The following CSMD3 variants were observed in gnomAD, a reference collection of about 807,000 sequenced individuals.
CSMD3 encodes the protein CUB and Sushi multiple domains 3, also known as CUB and sushi domain-containing protein 3.
CSMD3 carries 177 observed loss-of-function variants against 435.2 expected under a neutral mutation model. That is an observed-to-expected ratio of 0.41 (90% CI 0.36 to 0.46). The LOEUF (loss-of-function observed/expected upper bound fraction) is 0.46. Among genes scored for constraint, CSMD3 ranks in the 20% least tolerant of loss-of-function variants. The pLI, the probability that CSMD3 is intolerant of heterozygous loss-of-function variation, is 0.34. For synonymous variants in CSMD3, 1,656 were observed against 1,520.5 expected (o/e 1.09, Z -2.07); for missense variants, 4,265 against 4,504.6 (o/e 0.95, Z 1.52).
intron 45 of CSMD3, among the ~76,000 whole-genome samples, chr8:112,333,665 C>G (rs1492671): frequency 8.8e-6 from 1 of 114,032 alleles, no homozygotes; most frequent in Non-Finnish European, 2.1e-5. Context: ...CAAATTCTGT[C>G]TCATACACAC....
chr8:112,861,026 A>G (rs1375673196), intron 10 of CSMD3, among the ~76,000 whole-genome samples: 1 of 151,896 alleles, frequency 6.6e-6, no homozygotes, highest in South Asian at 2.1e-4. Flanking sequence ...GCTTTGAGGA[A>G]GCACTTTCAA....
chr8:112,239,598 T>C (rs1179731403), intron 66 of CSMD3, among the ~76,000 whole-genome samples: 1 of 152,080 alleles, frequency 6.6e-6, no homozygotes, highest in African/African-American at 2.4e-5. Context: ...TTTTAACCAG[T>C]TCTTTATTTG....
At chr8:112,755,786 T>C (rs1459673502) in intron 13 of CSMD3, among the ~76,000 whole-genome samples, 1 of 149,166 alleles carries the variant, frequency 6.7e-6, no homozygotes, top group Admixed American at 6.7e-5. Context: ...TAAATTAATA[T>C]ATACTTTGCA....
intron 10 of CSMD3, among the ~76,000 whole-genome samples, chr8:112,868,014 ATTATT>A (rs1403546010): frequency 6.6e-6 from 1 of 152,044 alleles, no homozygotes; most frequent in Non-Finnish European, 1.5e-5. Flanking sequence ...GCCATACATC[ATTATT>A]TTATTTCTTC....
chr8:112,998,823 T>C (rs908312835), intron 6 of CSMD3, among the ~76,000 whole-genome samples: 1 of 151,876 alleles, frequency 6.6e-6, no homozygotes, highest in African/African-American at 2.4e-5. Context: ...GATCTGGTTG[T>C]TTAAAAGTGT....
intron 19 of CSMD3, among the ~76,000 whole-genome samples, chr8:112,647,831 G>A: frequency 6.6e-6 from 1 of 152,022 alleles, no homozygotes; most frequent in East Asian, 1.9e-4. Flanking sequence ...AGTTGCATTT[G>A]TTTTATATTG....
chr8:112,241,783 C>G lies in CSMD3; in HGVS notation c.10405G>C (p.Gly3469Arg), dbSNP rs773021761. The change falls in exon 66 of 71, where the codon GGT (glycine) becomes CGT (arginine). Residue 3469 changes from glycine (G) to arginine (R), a missense_variant and splice_region_variant. Physicochemically the swap from Gly to Arg is moderately radical, Grantham distance 125. This residue lies in a region of CSMD3 where 3,255 missense variants were observed against 3,380.2 expected (regional missense o/e 0.96). Transcript: ENST00000297405. ...GGATCTTTCACCAATATTTTAGAAC[C>G]AGCTATGAAAAGAAATAAAGGTGTT... ...WTGKVPICEAGSKILVKDPRP... is the reference protein window; with the variant it reads ...WTGKVPICEARSKILVKDPRP... 2 of 1,610,210 alleles carry G rather than the reference C, an allele frequency of 1.2e-6. No homozygotes were observed. The highest frequency in any genetic ancestry group is 1.1e-5 in the South Asian group (1 of 91,014).
At chr8:113,254,216 T>A (rs771480971) in intron 3 of CSMD3, among the ~76,000 whole-genome samples, 25 of 152,216 alleles carry the variant, frequency 1.6e-4, no homozygotes, top group Non-Finnish European at 3.2e-4. Context: ...AAGAGAGTCC[T>A]TGGTAAGGTT....
At chr8:112,869,771 C>A (rs2081079376) in intron 10 of CSMD3, among the ~76,000 whole-genome samples, 1 of 152,152 alleles carries the variant, frequency 6.6e-6, no homozygotes, top group African/African-American at 2.4e-5. Flanking sequence ...TCTCAGCAAA[C>A]TAACACAGAA....
intron 32 of CSMD3, among the ~76,000 whole-genome samples, chr8:112,450,976 T>A (rs1490010640): frequency 1.3e-5 from 2 of 152,190 alleles, no homozygotes; most frequent in Admixed American, 6.5e-5. Context: ...CAATGATATT[T>A]GCAAAAGGGA....
chr8:113,327,933 T>A (rs191434916), intron 1 of CSMD3, among the ~76,000 whole-genome samples: 64 of 152,256 alleles, frequency 4.2e-4, no homozygotes, highest in Non-Finnish European at 7.6e-4. Context: ...GTTATGTGCA[T>A]GTACAGGCCT....
intron 27 of CSMD3, among the ~76,000 whole-genome samples, chr8:112,548,268 TCTC>T (rs1827365006): frequency 1.3e-5 from 2 of 152,158 alleles, no homozygotes; most frequent in African/African-American, 4.8e-5. Context: ...TCATATTTCA[TCTC>T]CTTTTTTAGA....
At chr8:113,151,443 T>C (rs891630378) in intron 4 of CSMD3, among the ~76,000 whole-genome samples, 8 of 151,914 alleles carry the variant, frequency 5.3e-5, no homozygotes, top group African/African-American at 1.9e-4. Context: ...CACAGCACTG[T>C]ATTAAATAAT....
intron 64 of CSMD3, 126 bp downstream of exon 64, chr8:112,246,894 A>G: frequency 1.4e-6 from 1 of 735,828 alleles, no homozygotes; most frequent in Admixed American, 2.0e-5. Flanking sequence ...TATGCATATA[A>G]TATGTTTTAT....
At chr8:113,384,155 C>A (rs1256739295) in intron 1 of CSMD3, among the ~76,000 whole-genome samples, 2 of 152,090 alleles carry the variant, frequency 1.3e-5, no homozygotes, top group African/African-American at 4.8e-5. Context: ...AAATACGAAT[C>A]TTTTGTCATA....
At chr8:112,815,528 T>C (rs2079349266) in intron 12 of CSMD3, among the ~76,000 whole-genome samples, 2 of 152,190 alleles carry the variant, frequency 1.3e-5, no homozygotes, top group South Asian at 2.1e-4. Flanking sequence ...TCATTATTTG[T>C]GGGAAGAAAT....
In CSMD3 at chr8:112,342,577, A is replaced by C. The variant is rs184458373; in HGVS notation, c.6443-891T>G. 1.4e-4 allele frequency among the ~76,000 whole-genome samples: 21 copies of C among 152,186 alleles called. No individual in the cohort carries two copies. The East Asian group carries it at 3.9e-3, about 28-fold the overall frequency. ...TTCTCACCATTTCATGAGAACAAGGAAAGTGAGTCGCAGAGAAGTAAGACA... is the reference window on the plus strand; with the variant it reads ...TTCTCACCATTTCATGAGAACAAGGCAAGTGAGTCGCAGAGAAGTAAGACA... On this transcript the variant is annotated intron_variant, in intron 41 of 70. Coordinates refer to ENST00000297405, the MANE Select transcript of CSMD3 (RefSeq NM_198123.2).
intron 1 of CSMD3, among the ~76,000 whole-genome samples, chr8:113,356,148 A>G (rs1174247631): frequency 2.0e-5 from 3 of 152,078 alleles, no homozygotes; most frequent in Non-Finnish European, 2.9e-5. Context: ...ACTTAAAAAA[A>G]CTATAGAACT....
At chr8:112,440,996 C>T (rs1224720255) in intron 32 of CSMD3, among the ~76,000 whole-genome samples, 1 of 152,178 alleles carries the variant, frequency 6.6e-6, no homozygotes, top group East Asian at 1.9e-4. Flanking sequence ...CTCTTTGTAA[C>T]TTATGCAGAT....
Sources: allele counts gnomAD v4.1 joint callset (sites outside exome capture counted in the v4.1 genomes callset), GRCh38; gene constraint gnomAD v4.1.1; regional missense constraint gnomAD v4.1.1; transcripts MANE v1.5; gene names NCBI Gene and HGNC (gene_info 2026-07-23, HGNC 2026-07-21).